The following A2ML1 variants were observed in gnomAD, a reference collection of about 807,000 sequenced individuals.
A2ML1 encodes alpha-2-macroglobulin-like protein 1.
A neutral mutation model predicts 181.9 loss-of-function variants in A2ML1; 161 were observed. The ratio of observed to expected loss-of-function variants is 0.89; its 90% CI spans 0.78 to 1.01. The LOEUF is 1.01. Ranked by LOEUF, A2ML1 falls within the 50% of genes least tolerant of loss-of-function variation. The pLI is 0.00. For synonymous variants in A2ML1, 663 were observed against 666.8 expected, an observed-to-expected ratio of 0.99 and a Z score of 0.09; for missense variants, 1,670 against 1,768.1, an observed-to-expected ratio of 0.94 and a Z score of 1.00.
chr12:8,846,335 G>GC (rs1431916794), intron 14 of A2ML1, 113 bp downstream of exon 14: 1 of 1,205,022 alleles, frequency 8.3e-7, no homozygotes, highest in Non-Finnish European at 1.2e-6. Context: ...GTTGACGTTG[G>GC]ATGTTGTATT....
intron 15 of A2ML1, 61 bp downstream of exon 15, chr12:8,847,759 G>C (rs750670849): frequency 1.3e-6 from 2 of 1,566,452 alleles, no homozygotes; most frequent in African/African-American, 2.7e-5. Flanking sequence ...CAATTAAGAG[G>C]TAGGTTTCAG....
At position 8,838,435 on chromosome 12, in the gene A2ML1, G is replaced by T; in HGVS notation, c.955G>T (p.Val319Leu). The T allele has an allele frequency of 3.1e-6, 5 of 1,613,646 alleles. No homozygotes were observed. The highest frequency in any genetic ancestry group is 4.2e-6 in the Non-Finnish European group (5 of 1,179,780). The part of the protein sequence containing the change: ...SHQINIVATV[V>L]EEGTGVEANA... ...TCAAATCAATATTGTGGCTACTGTTGTGGAGGAAGGGACAGGTAAGTAGGG... is the reference window on the plus strand; with the variant it reads ...TCAAATCAATATTGTGGCTACTGTTTTGGAGGAAGGGACAGGTAAGTAGGG... The change falls in exon 9 of 36, where the codon GTG (valine) becomes TTG (leucine). Residue 319 changes from valine to leucine, a missense_variant. Coordinates refer to ENST00000299698, the MANE Select transcript of A2ML1 (RefSeq NM_144670.6).
chr12:8,823,305 C>T lies in A2ML1; in HGVS notation c.186C>T (p.Thr62=), dbSNP rs17792974. Residue 62 remains threonine (T), a synonymous_variant, in exon 2 of 36, where the codon ACC becomes ACT. Coordinates refer to ENST00000299698, the MANE Select transcript of A2ML1 (RefSeq NM_144670.6). ...TTACTCTGGAGACCAAGGACAAGAC[C>T]CAGAAGTTGCTAGAATACTCTGGAC... ...FTVTLETKDK[T]QKLLEYSGLK... is the part of the protein sequence containing the mutation. The T allele has an allele frequency of 0.06, 97,636 of 1,613,902 alleles. 5,225 individuals are homozygous for T. Among genetic ancestry groups the T allele is most frequent in the South Asian group, 0.24 (21,450 of 91,052 alleles).
intron 28 of A2ML1, among the ~76,000 whole-genome samples, chr12:8,861,539 G>A (rs1203389495): frequency 6.6e-6 from 1 of 152,158 alleles, no homozygotes. Flanking sequence ...CCAGGCTGGA[G>A]TGCAGTGGCG....
intron 4 of A2ML1, among the ~76,000 whole-genome samples, chr12:8,831,753 TTTTG>T (rs1248899081): frequency 2.0e-5 from 3 of 150,602 alleles, no homozygotes; most frequent in African/African-American, 5.0e-5. Flanking sequence ...TTGTTTTTGT[TTTTG>T]TTTTTTTTTG....
chr12:8,868,545 G>A lies in A2ML1; in HGVS notation c.4070G>A (p.Gly1357Glu), dbSNP rs771609901. ...LTLTIHTSYVGSRSSSNMAIV... is the reference protein window; with the variant it reads ...LTLTIHTSYVESRSSSNMAIV... ...CTTCTTCCTGCTCTCAGTTATGTGG[G>A]GAGCCGTAGCTCTTCCAATATGGCT... Residue 1357 changes from glycine to glutamate, a missense_variant, in exon 32 of 36, where the codon GGG (glycine) becomes GAG (glutamate). Transcript: ENST00000299698. The A allele has an allele frequency of 2.5e-6, 4 of 1,613,770 alleles. No homozygotes were observed. Among genetic ancestry groups the A allele is most frequent in the African/African-American group, 2.7e-5 (2 of 74,854 alleles).
chr12:8,880,417 T>C (rs548419014), downstream of A2ML1: 2 of 152,152 alleles, frequency 1.3e-5, no homozygotes, highest in Non-Finnish European at 2.9e-5. Flanking sequence ...TAATTCAGTG[T>C]ACTCATGGAT....
intron 4 of A2ML1, among the ~76,000 whole-genome samples, chr12:8,831,359 G>A (rs1943107391): frequency 6.6e-6 from 1 of 152,100 alleles, no homozygotes; most frequent in South Asian, 2.1e-4. Context: ...TTACCCTCAG[G>A]GTTGATCTCA....
chr12:8,846,278 G>C (rs1181333568), intron 14 of A2ML1, 56 bp downstream of exon 14: 2 of 1,602,540 alleles, frequency 1.2e-6, no homozygotes, highest in Non-Finnish European at 1.7e-6. Context: ...GAAAGATCTT[G>C]TGTGTGCTGC....
At chr12:8,847,519 A>G in intron 14 of A2ML1, 30 bp from the exon 15 acceptor site, 1 of 1,582,568 alleles carries the variant, frequency 6.3e-7, no homozygotes, top group South Asian at 1.2e-5. Context: ...GGCTGACCTG[A>G]TCCCCAAGTT....
rs1383390413 is a variant in A2ML1 at position 8,839,216 on chromosome 12, TG to T, written c.1077del (p.Lys360ArgfsTer2). The T allele has an allele frequency of 1.9e-6, 3 of 1,610,656 alleles. No individual in the cohort carries two copies. The Admixed American group carries it at 5.0e-5, about 27-fold the overall frequency. On this transcript the variant is annotated frameshift_variant, in exon 10 of 36. Transcript: ENST00000299698. LOFTEE classifies it high-confidence loss of function. ...NFYHPNFPFSGKIRVRGHDDS... is the reference protein window; with the variant it reads ...NFYHPNFPFSXKIRVRGHDDS... ...TTTACCATCCAAATTTCCCCTTCAG[TG>T]GGAAGGTATGTTAAAACTTTTCTCT...
Position 8,861,308 on chromosome 12 carries a change from C to G in A2ML1, c.3502+11C>G, listed in dbSNP as rs138636296. On this transcript the variant is annotated intron_variant, in intron 28 of 35. Transcript: ENST00000299698. ...AGGCTATCATCTCAGGTATGTTGGT[C>G]CTGTTGAGAGTTCTTTGAAATTGTG... The G allele has an allele frequency of 6.2e-7, 1 of 1,613,254 alleles. No individual in the cohort carries two copies. The highest frequency in any genetic ancestry group is 1.3e-5 in the African/African-American group (1 of 74,824).
chr12:8,851,854 T>C lies in A2ML1; in HGVS notation c.2305T>C (p.Cys769Arg). 1 of 1,614,258 alleles carries C rather than the reference T, an allele frequency of 6.2e-7. No individual in the cohort carries two copies. The highest frequency in any genetic ancestry group is 1.1e-5 in the South Asian group (1 of 91,088). ...AITEWKAMSF[C>R]TSQSRGFGLS... ...CACCGAGTGGAAGGCGATGAGTTTC[T>C]GCACTTCCCAGTCAAGAGGCTTCGG... The change falls in exon 19 of 36, where the codon TGC (cysteine) becomes CGC (arginine). Residue 769 changes from cysteine (C) to arginine (R), a missense_variant. Coordinates refer to ENST00000299698, the MANE Select transcript of A2ML1 (RefSeq NM_144670.6).
rs1223842800 is a variant in A2ML1, at chr12:8,823,869, C to T, written c.396C>T (p.Thr132=). 6.2e-7 allele frequency: 1 copy of T among 1,612,072 alleles called. No homozygotes were observed. The highest frequency in any genetic ancestry group is 8.5e-7 in the Non-Finnish European group (1 of 1,179,096). ...TACAGACTGACAAACCTCTCTACACCCCAGGGCAGCAAGGTAAGAGTCACA... is the reference window on the plus strand; with the variant it reads ...TACAGACTGACAAACCTCTCTACACTCCAGGGCAGCAAGGTAAGAGTCACA... The part of the protein sequence containing the change: ...TFVQTDKPLY[T]PGQQVYFRIV... The change falls in exon 3 of 36, where the codon ACC becomes ACT. Residue 132 remains threonine, a synonymous_variant. Coordinates refer to ENST00000299698, the MANE Select transcript of A2ML1 (RefSeq NM_144670.6).
downstream of A2ML1, among the ~76,000 whole-genome samples, chr12:8,887,367 C>A (rs148497438): frequency 8.0e-4 from 122 of 152,292 alleles, no homozygotes; most frequent in Non-Finnish European, 1.3e-3. Flanking sequence ...TATCTCTCCC[C>A]CACATATTTT....
At chr12:8,824,110 A>G (rs1372619877) in intron 3 of A2ML1, among the ~76,000 whole-genome samples, 1 of 151,902 alleles carries the variant, frequency 6.6e-6, no homozygotes, top group Non-Finnish European at 1.5e-5. Flanking sequence ...ACAAAAGTAC[A>G]CATTTCTTCT....
Position 8,836,259 on chromosome 12 carries a change from G to C in A2ML1, c.648G>C (p.Leu216=). The C allele has an allele frequency of 6.2e-7, 1 of 1,613,898 alleles. No individual in the cohort carries two copies. Among genetic ancestry groups the C allele is most frequent in the Non-Finnish European group, 8.5e-7 (1 of 1,179,880 alleles). ...FGTFSVEEYV[L]PKFKVEVVEP... is the part of the protein sequence containing the mutation. ...TTCTCCTTTTACTCTCTTCAGTGCTGCCGAAGTTTAAGGTGGAAGTGGTGG... is the reference window on the plus strand; with the variant it reads ...TTCTCCTTTTACTCTCTTCAGTGCTCCCGAAGTTTAAGGTGGAAGTGGTGG... The change falls in exon 7 of 36, where the codon CTG becomes CTC. Residue 216 remains leucine, a synonymous_variant. Coordinates refer to ENST00000299698, the MANE Select transcript of A2ML1 (RefSeq NM_144670.6).
At position 8,823,218 on chromosome 12, in the gene A2ML1, C is replaced by T. The variant is rs754247426; in HGVS notation, c.99C>T (p.Phe33=). 41 of 1,614,006 alleles carry T rather than the reference C, an allele frequency of 2.5e-5. No homozygotes were observed. The South Asian group carries it at 4.3e-4, about 17-fold the overall frequency. The part of the protein sequence containing the change: ...YLVTLPARLN[F]PSVQKVCLDL... ...TGACATTACCAGCCCGGCTAAATTT[C>T]CCCTCCGTTCAGAAGGTTTGTTTGG... Residue 33 remains phenylalanine (F), a synonymous_variant, in exon 2 of 36, where the codon TTC becomes TTT. Transcript: ENST00000299698.
At chr12:8,829,400 C>T (rs369387732) in intron 3 of A2ML1, among the ~76,000 whole-genome samples, 2 of 152,154 alleles carry the variant, frequency 1.3e-5, no homozygotes, top group South Asian at 2.1e-4. Flanking sequence ...CGGTGGCTCA[C>T]GCCTATAATC....
Sources: gnomAD v4.1 joint callset for allele counts (sites outside exome capture counted in the v4.1 genomes callset) on GRCh38, gnomAD v4.1.1 for gene constraint, MANE v1.5 for transcripts, NCBI Gene and HGNC (gene_info 2026-07-23, HGNC 2026-07-21) for gene names.